The following TFDP2 variants were observed in gnomAD, a reference collection of about 807,000 sequenced individuals.
The protein encoded by TFDP2 is transcription factor Dp-2 (E2F dimerization partner 2).
In TFDP2, 17 loss-of-function variants were observed where a neutral mutation model predicts 59.3. The ratio of observed to expected loss-of-function variants is 0.29; its 90% CI spans 0.20 to 0.43. The LOEUF (loss-of-function observed/expected upper bound fraction) is 0.43, where lower values mean the gene tolerates loss of function less well. Among genes scored for constraint, TFDP2 ranks in the 20% least tolerant of loss-of-function variants. TFDP2 has a pLI of 1.00. For synonymous variants in TFDP2, 180 were observed against 194.7 expected (o/e 0.92, Z 0.63); for missense variants, 391 against 528.8 (o/e 0.74, Z 2.56).
intron 3 of TFDP2, among the ~76,000 whole-genome samples, chr3:142,067,873 ACGTG>A (rs2060122493): frequency 6.6e-6 from 1 of 152,036 alleles, no homozygotes; most frequent in African/African-American, 2.4e-5. Context: ...CCATGGTGGC[ACGTG>A]CCTATAGTTC....
intron 6 of TFDP2, among the ~76,000 whole-genome samples, chr3:141,992,393 C>G (rs1370204998): frequency 6.6e-6 from 1 of 152,136 alleles, no homozygotes; most frequent in Non-Finnish European, 1.5e-5. Context: ...CTTTAGAATT[C>G]TTACTTACAA....
intron 4 of TFDP2, among the ~76,000 whole-genome samples, chr3:142,003,446 G>A (rs1281545190): frequency 6.6e-6 from 1 of 152,054 alleles, no homozygotes; most frequent in African/African-American, 2.4e-5. Flanking sequence ...TCTTTTATAA[G>A]GTCACTAATC....
chr3:142,077,821 TCA>T (rs1015535416), intron 3 of TFDP2, among the ~76,000 whole-genome samples: 31 of 152,238 alleles, frequency 2.0e-4, no homozygotes, highest in African/African-American at 6.7e-4. Context: ...AGACTTTGTC[TCA>T]CAGTTTAGGT....
chr3:142,115,836 C>T (rs73233897), intron 1 of TFDP2, among the ~76,000 whole-genome samples: 17,494 of 151,978 alleles, frequency 0.12, 1,036 homozygotes, highest in Middle Eastern at 0.15. Flanking sequence ...GGTGGCTATA[C>T]GAATCTATAC....
intron 6 of TFDP2, among the ~76,000 whole-genome samples, chr3:141,982,833 A>G (rs1236875757): frequency 1.3e-5 from 2 of 152,222 alleles, no homozygotes; most frequent in Non-Finnish European, 2.9e-5. Context: ...CAGTGCATAA[A>G]TTGATAATAA....
rs149663568 is a variant in TFDP2 at position 142,085,084 on chromosome 3, C to T, written c.82+7977G>A. Reference sequence around the variant, plus strand: ...TACAAGCGAGTGCCACCACACTCGGCTAATTTTTATATTTTTAGTAGAGAC... The same window carrying T: ...TACAAGCGAGTGCCACCACACTCGGTTAATTTTTATATTTTTAGTAGAGAC... On this transcript the variant is annotated intron_variant, in intron 3 of 12. Coordinates refer to ENST00000489671, the MANE Select transcript of TFDP2 (RefSeq NM_001178139.2). 3.2e-3 allele frequency among the ~76,000 whole-genome samples: 489 copies of T among 152,094 alleles called. 2 individuals carry two copies. Among genetic ancestry groups the T allele is most frequent in the African/African-American group, 0.011 (465 of 41,478 alleles).
intron 5 of TFDP2, among the ~76,000 whole-genome samples, chr3:141,993,877 T>A (rs1943022296): frequency 6.6e-6 from 1 of 152,212 alleles, no homozygotes; most frequent in African/African-American, 2.4e-5. Flanking sequence ...AAATACTGAC[T>A]ATAAAAACAC....
chr3:141,994,892 G>T (rs1263925266), intron 5 of TFDP2, 128 bp downstream of exon 5: 2 of 704,314 alleles, frequency 2.8e-6, no homozygotes, highest in East Asian at 6.0e-5. Flanking sequence ...AATAAAATAG[G>T]TGATTTTAAA....
chr3:142,106,110 T>G (rs2061463962), intron 1 of TFDP2, among the ~76,000 whole-genome samples: 1 of 48,638 alleles, frequency 2.1e-5, no homozygotes, highest in Non-Finnish European at 5.1e-5. Flanking sequence ...CCTGTTTAAT[T>G]GTGGTTAAAA....
intron 6 of TFDP2, among the ~76,000 whole-genome samples, chr3:141,986,343 T>C (rs939206006): frequency 2.0e-5 from 3 of 152,202 alleles, no homozygotes; most frequent in African/African-American, 7.2e-5. Context: ...AGTGTCTCCT[T>C]CTAGTTACAG....
intron 4 of TFDP2, among the ~76,000 whole-genome samples, chr3:142,001,293 T>C (rs897933369): frequency 6.6e-6 from 1 of 152,204 alleles, no homozygotes; most frequent in Non-Finnish European, 1.5e-5. Flanking sequence ...GCAGCCACTA[T>C]ACTTGGGCCT....
intron 3 of TFDP2, among the ~76,000 whole-genome samples, chr3:142,034,117 C>T (rs1047066974): frequency 8.8e-6 from 1 of 113,068 alleles, no homozygotes; most frequent in African/African-American, 3.4e-5. Flanking sequence ...TTTTTTGAGA[C>T]GGAGTTTTGC....
chr3:141,971,489 C>T (rs1001402594), intron 8 of TFDP2, among the ~76,000 whole-genome samples: 23 of 151,496 alleles, frequency 1.5e-4, no homozygotes, highest in African/African-American at 5.1e-4. Flanking sequence ...GCGGAGGTTG[C>T]AGTGAGCCGA....
chr3:142,027,891 C>T (rs1946210313), intron 3 of TFDP2, among the ~76,000 whole-genome samples: 1 of 152,070 alleles, frequency 6.6e-6, no homozygotes, highest in African/African-American at 2.4e-5. Context: ...AGGCAGACAC[C>T]AAATGGTGCC....
intron 3 of TFDP2, among the ~76,000 whole-genome samples, chr3:142,014,859 C>T (rs1019944129): frequency 6.6e-6 from 1 of 152,210 alleles, no homozygotes; most frequent in South Asian, 2.1e-4. Context: ...CCTCCAGTTA[C>T]CAACTAATTT....
chr3:142,031,634 G>T (rs984460323), intron 3 of TFDP2, among the ~76,000 whole-genome samples: 2 of 152,148 alleles, frequency 1.3e-5, no homozygotes, highest in Non-Finnish European at 2.9e-5. Context: ...ATCTTATGTA[G>T]AAAATCCATT....
At chr3:141,952,828 G>T in intron 12 of TFDP2, 83 bp downstream of exon 12, 1 of 1,537,462 alleles carries the variant, frequency 6.5e-7, no homozygotes, top group Non-Finnish European at 9.0e-7. Context: ...ACCTGTGCTG[G>T]CAGTAACATG....
chr3:142,010,782 C>T (rs1449606165), intron 3 of TFDP2, among the ~76,000 whole-genome samples: 6 of 144,472 alleles, frequency 4.2e-5, no homozygotes, highest in South Asian at 2.3e-4. Context: ...GGGTGAAGGA[C>T]ATGAACAGAC....
At chr3:142,131,796 A>G (rs1023932384) in intron 1 of TFDP2, among the ~76,000 whole-genome samples, 1 of 149,914 alleles carries the variant, frequency 6.7e-6, no homozygotes, top group African/African-American at 2.5e-5. Context: ...ACCTGAGGTC[A>G]GGAGTTCGAG....
Sources: allele counts gnomAD v4.1 joint callset (sites outside exome capture counted in the v4.1 genomes callset), GRCh38; gene constraint gnomAD v4.1.1; transcripts MANE v1.5; gene names NCBI Gene and HGNC (gene_info 2026-07-23, HGNC 2026-07-21).